DLG2: variants seen among roughly 807,000 people sequenced by gnomAD.
DLG2 encodes discs large MAGUK scaffold protein 2.
Under a neutral mutation model 132.5 loss-of-function variants are expected in DLG2, and 45 were observed. The observed-to-expected ratio is 0.34, with a 90% CI of 0.27 to 0.44. The LOEUF (loss-of-function observed/expected upper bound fraction) is 0.44. Ranked by LOEUF, DLG2 falls within the 20% of genes least tolerant of loss-of-function variation. The pLI, the probability that DLG2 is intolerant of heterozygous loss-of-function variation, is 1.00. For missense variants in DLG2, 1,045 were observed against 1,196.9 expected, an observed-to-expected ratio of 0.87 and a Z score of 1.87; for synonymous variants, 424 against 419.6, an observed-to-expected ratio of 1.01 and a Z score of -0.13.
At position 84,427,451 on chromosome 11, in the gene DLG2, T is replaced by C. The variant is rs149759517; in HGVS notation, c.519+107119A>G. 2.6e-3 allele frequency among the ~76,000 whole-genome samples: 393 copies of C among 152,198 alleles called. 1 individual carries two copies. The highest frequency in any genetic ancestry group is 9.2e-3 in the African/African-American group (382 of 41,540). On this transcript the variant is annotated intron_variant, in intron 7 of 27. Coordinates refer to ENST00000376104, the MANE Select transcript of DLG2 (RefSeq NM_001142699.3). ...CAGTCTTGAAGCCAGGTCTACAGTC[T>C]TTCACTGCCTTACTGTTCTTGGGTG... is the stretch of plus-strand genomic sequence containing the variant.
At chr11:83,731,202 G>A (rs939268839) in intron 18 of DLG2, among the ~76,000 whole-genome samples, 7 of 152,142 alleles carry the variant, frequency 4.6e-5, no homozygotes, top group African/African-American at 1.4e-4. Flanking sequence ...CATGTGCCAT[G>A]GTGTTTTGCT....
At chr11:85,299,801 G>A (rs1232194476) in intron 3 of DLG2, among the ~76,000 whole-genome samples, 7 of 152,270 alleles carry the variant, frequency 4.6e-5, no homozygotes, top group Middle Eastern at 3.4e-3. Flanking sequence ...ATGCGATGCT[G>A]GTGTTGCTGG....
intron 18 of DLG2, among the ~76,000 whole-genome samples, chr11:83,700,095 T>A (rs970434243): frequency 6.6e-6 from 1 of 151,838 alleles, no homozygotes; most frequent in South Asian, 2.1e-4. Context: ...CTTATAAAAA[T>A]TAAATATTTA....
At chr11:84,543,804 C>T (rs1231782474) in intron 6 of DLG2, among the ~76,000 whole-genome samples, 1 of 152,116 alleles carries the variant, frequency 6.6e-6, no homozygotes, top group Non-Finnish European at 1.5e-5. Context: ...CCAGGTGCTC[C>T]ATTTGAATTT....
intron 6 of DLG2, among the ~76,000 whole-genome samples, chr11:85,072,159 C>A (rs989800715): frequency 6.6e-6 from 1 of 151,766 alleles, no homozygotes; most frequent in Non-Finnish European, 1.5e-5. Flanking sequence ...GCTTATTGTT[C>A]TCTTACATTC....
chr11:84,874,680 C>T (rs2086043571), intron 6 of DLG2, among the ~76,000 whole-genome samples: 1 of 151,916 alleles, frequency 6.6e-6, no homozygotes, highest in African/African-American at 2.4e-5. Context: ...AGAGATGATT[C>T]CTTGAATTAG....
chr11:85,113,454 T>C (rs1244186367), intron 5 of DLG2, among the ~76,000 whole-genome samples: 2 of 152,024 alleles, frequency 1.3e-5, no homozygotes, highest in Admixed American at 6.6e-5. Context: ...TGTTTTGCCT[T>C]CTATTATTAC....
intron 21 of DLG2, among the ~76,000 whole-genome samples, chr11:83,505,169 C>G (rs886549609): frequency 1.3e-5 from 2 of 152,164 alleles, no homozygotes; most frequent in African/African-American, 4.8e-5. Flanking sequence ...GAGGACAAAC[C>G]TCTGCTCTTT....
chr11:84,309,592 A>G (rs535393378), intron 7 of DLG2, among the ~76,000 whole-genome samples: 65 of 152,356 alleles, frequency 4.3e-4, no homozygotes, highest in African/African-American at 1.5e-3. Context: ...ATTACAAAAC[A>G]TCTAGATTCC....
At chr11:84,507,658 CCGTTGAGAGTTTTTCATCA>C (rs2099245340) in intron 7 of DLG2, among the ~76,000 whole-genome samples, 1 of 152,110 alleles carries the variant, frequency 6.6e-6, no homozygotes. Flanking sequence ...GATGCCTAGT[CCGTTGAGAGTTTTTCATCA>C]CGAAGGGATG....
intron 5 of DLG2, among the ~76,000 whole-genome samples, chr11:85,153,206 CA>C (rs1242012610): frequency 2.0e-5 from 3 of 152,172 alleles, no homozygotes; most frequent in African/African-American, 7.2e-5. Flanking sequence ...AGCCAAGATA[CA>C]AATCCTGGTC....
intron 8 of DLG2, among the ~76,000 whole-genome samples, chr11:84,199,614 A>G (rs1450552578): frequency 6.6e-6 from 1 of 152,124 alleles, no homozygotes; most frequent in African/African-American, 2.4e-5. Flanking sequence ...AATTTTAAAA[A>G]GAACAAAATC....
intron 6 of DLG2, among the ~76,000 whole-genome samples, chr11:84,766,974 G>T (rs2068512061): frequency 6.6e-6 from 1 of 151,952 alleles, no homozygotes; most frequent in African/African-American, 2.4e-5. Context: ...TAAAACATTG[G>T]CTTTGGAATT....
intron 3 of DLG2, among the ~76,000 whole-genome samples, chr11:85,489,148 T>C (rs910890591): frequency 6.6e-6 from 1 of 151,158 alleles, no homozygotes; most frequent in Admixed American, 6.6e-5. Flanking sequence ...ATGAAAAAAA[T>C]CATCCAACTA....
At chr11:84,515,960 G>A (rs2099271438) in intron 7 of DLG2, among the ~76,000 whole-genome samples, 1 of 142,852 alleles carries the variant, frequency 7.0e-6, no homozygotes, top group African/African-American at 2.6e-5. Flanking sequence ...AAATAAACAT[G>A]AAAATTAAAC....
chr11:85,323,955 C>T (rs549555193), intron 3 of DLG2, among the ~76,000 whole-genome samples: 3 of 152,294 alleles, frequency 2.0e-5, no homozygotes, highest in Non-Finnish European at 2.9e-5. Flanking sequence ...CTGTCACTTC[C>T]AATTGTTCCC....
intron 4 of DLG2, among the ~76,000 whole-genome samples, chr11:85,258,663 T>G (rs535613766): frequency 6.6e-6 from 1 of 152,192 alleles, no homozygotes; most frequent in Non-Finnish European, 1.5e-5. Context: ...AAAAGGTCAA[T>G]GTACCCGTCT....
intron 3 of DLG2, among the ~76,000 whole-genome samples, chr11:85,516,453 A>G (rs2094171166): frequency 6.6e-6 from 1 of 152,088 alleles, no homozygotes; most frequent in Non-Finnish European, 1.5e-5. Flanking sequence ...TCAGAGCAGA[A>G]TTAAATGAAA....
At chr11:84,727,148 G>T (rs2062580152) in intron 6 of DLG2, among the ~76,000 whole-genome samples, 1 of 152,106 alleles carries the variant, frequency 6.6e-6, no homozygotes, top group Non-Finnish European at 1.5e-5. Context: ...TGTTTTTGGT[G>T]TTTTAGACGA....
Sources: gnomAD v4.1 joint callset for allele counts (sites outside exome capture counted in the v4.1 genomes callset) on GRCh38, gnomAD v4.1.1 for gene constraint, MANE v1.5 for transcripts, NCBI Gene and HGNC (gene_info 2026-07-23, HGNC 2026-07-21) for gene names.